GSG1L: variants seen among roughly 807,000 people sequenced by gnomAD.
The protein encoded by GSG1L is germ cell-specific gene 1-like protein.
GSG1L carries 24 observed loss-of-function variants against 42.1 expected under a neutral mutation model. The observed-to-expected ratio is 0.57, with a 90% confidence interval of 0.41 to 0.80. GSG1L has a LOEUF of 0.80. GSG1L is among the 30% of genes least tolerant of loss of function. The pLI, the probability that GSG1L is intolerant of heterozygous loss-of-function variation, is 0.00. For synonymous variants in GSG1L, 215 were observed against 203.5 expected, an observed-to-expected ratio of 1.06 and a Z score of -0.48; for missense variants, 445 against 472.2, an observed-to-expected ratio of 0.94 and a Z score of 0.53.
intron 2 of GSG1L, among the ~76,000 whole-genome samples, chr16:27,904,746 T>C (rs1220306474): frequency 6.6e-6 from 1 of 152,098 alleles, no homozygotes; most frequent in Non-Finnish European, 1.5e-5. Flanking sequence ...CCACCTCTGA[T>C]GGAAACACGA....
chr16:27,916,877 C>G (rs2084462778), intron 2 of GSG1L, among the ~76,000 whole-genome samples: 1 of 31,980 alleles, frequency 3.1e-5, no homozygotes, highest in Admixed American at 4.8e-4. Context: ...TAAAATCACT[C>G]AATGCAAAAA....
chr16:27,839,440 C>T (rs1407665949), intron 4 of GSG1L, among the ~76,000 whole-genome samples: 1 of 152,210 alleles, frequency 6.6e-6, no homozygotes, highest in Non-Finnish European at 1.5e-5. Context: ...CCATTTCTCT[C>T]CAGACTGATA....
chr16:27,973,748 G>C (rs1354054339), intron 1 of GSG1L, among the ~76,000 whole-genome samples: 1 of 152,138 alleles, frequency 6.6e-6, no homozygotes, highest in Non-Finnish European at 1.5e-5. Flanking sequence ...ATAAAAACAT[G>C]AAGATCACCA....
chr16:27,856,680 G>A (rs2140995593), intron 3 of GSG1L, among the ~76,000 whole-genome samples: 1 of 152,314 alleles, frequency 6.6e-6, no homozygotes, highest in South Asian at 2.1e-4. Flanking sequence ...AAGTGATACT[G>A]GCTTTTCATT....
chr16:27,841,890 G>A (rs916532699), intron 4 of GSG1L, among the ~76,000 whole-genome samples: 1 of 152,182 alleles, frequency 6.6e-6, no homozygotes, highest in Non-Finnish European at 1.5e-5. Context: ...CCAGAGGAGA[G>A]AGCCAGGGCC....
At chr16:27,816,750 C>T (rs1205453179) in intron 5 of GSG1L, among the ~76,000 whole-genome samples, 1 of 152,140 alleles carries the variant, frequency 6.6e-6, no homozygotes, top group Non-Finnish European at 1.5e-5. Flanking sequence ...AACCCTGCAG[C>T]TGGCTTGTGG....
In GSG1L at chr16:28,039,816, G is replaced by A. The variant is rs116729550; in HGVS notation, c.349+23260C>T. Among the ~76,000 whole-genome samples the A allele has an allele frequency of 4.0e-3, 615 of 151,930 alleles. 4 individuals are homozygous for A. Among genetic ancestry groups the A allele is most frequent in the African/African-American group, 0.014 (578 of 41,420 alleles). ...CATACGCACACAGGCACATGCACAC[G>A]CACACATATAAACACACACACACAA... On this transcript the variant is annotated intron_variant, in intron 1 of 6. Transcript: ENST00000447459.
chr16:27,839,811 C>T (rs1387326808), intron 4 of GSG1L, among the ~76,000 whole-genome samples: 2 of 152,166 alleles, frequency 1.3e-5, no homozygotes, highest in Non-Finnish European at 2.9e-5. Flanking sequence ...TTTTATAAGA[C>T]ACAATGGCAG....
At chr16:27,852,470 G>T (rs1043459961) in intron 3 of GSG1L, among the ~76,000 whole-genome samples, 5 of 152,208 alleles carry the variant, frequency 3.3e-5, no homozygotes, top group Non-Finnish European at 7.4e-5. Context: ...GGGTCTGTGG[G>T]GTGGGGAGGT....
chr16:28,063,009 G>T lies in GSG1L; in HGVS notation c.349+67C>A, dbSNP rs1027544005. 1.1e-5 allele frequency: 14 copies of T among 1,283,040 alleles called. No homozygotes were observed. In the South Asian group the frequency reaches 2.8e-4, roughly 25 times the overall value. The allele number at this position is 1,283,040 out of a possible 1,614,324, so 79.5% of individuals were successfully genotyped here. On this transcript the variant is annotated intron_variant, in intron 1 of 6. Transcript: ENST00000447459. The surrounding 1 kb of genome is among the most constrained non-coding windows in gnomAD (Gnocchi z 5.8). ...AGGAGGGCGAACGGGTCCGGGGCTC[G>T]GGCCTCGATGGCCGCGCCGCCCCGG...
At chr16:27,795,690 G>A (rs1277270665) in intron 6 of GSG1L, among the ~76,000 whole-genome samples, 1 of 152,182 alleles carries the variant, frequency 6.6e-6, no homozygotes, top group African/African-American at 2.4e-5. Flanking sequence ...GTGGTAGCAG[G>A]TACTGTGGTT....
intron 5 of GSG1L, among the ~76,000 whole-genome samples, chr16:27,825,851 C>T (rs2083202584): frequency 6.6e-6 from 1 of 152,210 alleles, no homozygotes; most frequent in South Asian, 2.1e-4. Flanking sequence ...TTGCTGCCGC[C>T]ATGTGAAGAA....
chr16:27,897,799 C>T (rs1289311556), intron 2 of GSG1L, among the ~76,000 whole-genome samples: 1 of 152,178 alleles, frequency 6.6e-6, no homozygotes, highest in African/African-American at 2.4e-5. Context: ...TTCCTAACCT[C>T]TCTGAGCCTC....
intron 2 of GSG1L, among the ~76,000 whole-genome samples, chr16:27,904,952 G>A (rs927565423): frequency 6.6e-6 from 1 of 152,308 alleles, no homozygotes; most frequent in African/African-American, 2.4e-5. Flanking sequence ...ATATGCACTC[G>A]GGGTTGCCAG....
rs184304523 is a variant in GSG1L at position 27,811,293 on chromosome 16, A to C, written c.831-3739T>G. 2.6e-4 allele frequency among the ~76,000 whole-genome samples: 40 copies of C among 152,322 alleles called. 1 individual carries two copies. The highest frequency in any genetic ancestry group is 9.6e-4 in the African/African-American group (40 of 41,576). On this transcript the variant is annotated intron_variant, in intron 5 of 6. Coordinates refer to ENST00000447459, the MANE Select transcript of GSG1L (RefSeq NM_001109763.2). ...CCTTTTTTTCTTATAGCTGTATATA[A>C]AAGAGTAATTAATATTCAATACCCC...
intron 5 of GSG1L, among the ~76,000 whole-genome samples, chr16:27,821,135 G>A (rs2083147187): frequency 6.6e-6 from 1 of 152,138 alleles, no homozygotes. Context: ...CGGGAGACTC[G>A]ATTGTGCCAC....
chr16:28,050,926 CT>C (rs781394388), intron 1 of GSG1L, among the ~76,000 whole-genome samples: 80 of 152,338 alleles, frequency 5.3e-4, no homozygotes, highest in Non-Finnish European at 8.2e-4. Context: ...CAAGTAAGGG[CT>C]TAATAAATTT....
chr16:28,030,555 A>G (rs2141174200), intron 1 of GSG1L, among the ~76,000 whole-genome samples: 1 of 152,350 alleles, frequency 6.6e-6, no homozygotes, highest in East Asian at 1.9e-4. Flanking sequence ...GAGCACCTGG[A>G]TCCAGCTGAG....
chr16:28,000,469 G>A lies in GSG1L; in HGVS notation c.350-37266C>T, dbSNP rs140315471. ...TCCACGAAGAGCTAATCAGGAGTTG[G>A]CTGGGTCTTGCATTTTACTATCTAT... On this transcript the variant is annotated intron_variant, in intron 1 of 6. Coordinates refer to ENST00000447459, the MANE Select transcript of GSG1L (RefSeq NM_001109763.2). 1.8e-3 allele frequency among the ~76,000 whole-genome samples: 269 copies of A among 152,302 alleles called. 7 individuals carry two copies. Among genetic ancestry groups the A allele is most frequent in the Non-Finnish European group, 1.6e-3 (110 of 68,028 alleles).
Sources: allele counts gnomAD v4.1 joint callset (sites outside exome capture counted in the v4.1 genomes callset), GRCh38; gene constraint gnomAD v4.1.1; non-coding constraint Gnocchi (gnomAD v3.1); transcripts MANE v1.5; gene names NCBI Gene and HGNC (gene_info 2026-07-23, HGNC 2026-07-21).